MB21D2: variants seen among roughly 807,000 people sequenced by gnomAD.
The protein encoded by MB21D2 is nucleotidyltransferase MB21D2.
A neutral mutation model predicts 33.3 loss-of-function variants in MB21D2; 9 were observed. The ratio of observed to expected loss-of-function variants is 0.27; its 90% CI spans 0.16 to 0.47. The LOEUF is 0.47. MB21D2 is among the 20% of genes least tolerant of loss of function. The pLI is 0.99. For synonymous variants in MB21D2, 241 were observed against 236.3 expected, an observed-to-expected ratio of 1.02 and a Z score of -0.18; for missense variants, 540 against 624.6, an observed-to-expected ratio of 0.86 and a Z score of 1.44.
chr3:192,855,597 A>G (rs1424688589), intron 1 of MB21D2, among the ~76,000 whole-genome samples: 3 of 152,244 alleles, frequency 2.0e-5, no homozygotes, highest in African/African-American at 7.2e-5. Flanking sequence ...TTTTACAAAT[A>G]AGGAAACTGA....
In MB21D2 at chr3:192,799,631, G is replaced by A. The variant is rs144558534; in HGVS notation, c.231C>T (p.Asp77=). 3 of 1,613,704 alleles carry A rather than the reference G, an allele frequency of 1.9e-6. No individual in the cohort carries two copies. The highest frequency in any genetic ancestry group is 2.2e-5 in the East Asian group (1 of 44,870). Residue 77 remains aspartate (D), a synonymous_variant, in exon 2 of 2, where the codon GAC becomes GAT. Transcript: ENST00000392452. The surrounding 1 kb of genome is among the most constrained non-coding windows in gnomAD (Gnocchi z 4.1). ...FSMLGMVQKL[D]QKLPVANEYL... is the part of the protein sequence containing the mutation. ...ATTCATTAGCCACTGGAAGCTTTTG[G>A]TCCAGCTTTTGCACCATTCCTGGAA... is the stretch of plus-strand genomic sequence containing the variant.
At chr3:192,862,362 C>A (rs1301278926) in intron 1 of MB21D2, among the ~76,000 whole-genome samples, 1 of 152,128 alleles carries the variant, frequency 6.6e-6, no homozygotes, top group East Asian at 1.9e-4. Context: ...GATTGTATTC[C>A]ATGTTCATTC....
chr3:192,807,252 A>G (rs1711683413), intron 1 of MB21D2, among the ~76,000 whole-genome samples: 1 of 151,982 alleles, frequency 6.6e-6, no homozygotes, highest in Non-Finnish European at 1.5e-5. Context: ...GCAGCTTCCC[A>G]AAGTCACAAT....
At chr3:192,823,766 T>C (rs1378829778) in intron 1 of MB21D2, among the ~76,000 whole-genome samples, 1 of 152,138 alleles carries the variant, frequency 6.6e-6, no homozygotes, top group African/African-American at 2.4e-5. Flanking sequence ...AAAGGTTAAT[T>C]TAGAACTCCA....
Position 192,799,957 on chromosome 3 carries a change from T to TCA in MB21D2, c.212-309_212-308dup, listed in dbSNP as rs776878549. Among the ~76,000 whole-genome samples, 1 of 152,188 alleles carries TCA rather than the reference T, an allele frequency of 6.6e-6. No individual in the cohort carries two copies. Among genetic ancestry groups the TCA allele is most frequent in the Non-Finnish European group, 1.5e-5 (1 of 68,030 alleles). ...CTCAGTTAATGGAATTGCCATCCAC[T>TCA]CAGTTATGCAGACTGAAAACCTCAG... On this transcript the variant is annotated intron_variant, in intron 1 of 1. Transcript: ENST00000392452. This position sits in a 1 kb window ranked among gnomAD's most constrained non-coding sequence, Gnocchi z 4.1.
intron 1 of MB21D2, among the ~76,000 whole-genome samples, chr3:192,824,142 A>G (rs183540012): frequency 9.8e-5 from 15 of 152,344 alleles, no homozygotes; most frequent in Admixed American, 9.8e-4. Flanking sequence ...CATGTTATCC[A>G]TCTTCCCACT....
chr3:192,873,244 G>A (rs974726281), intron 1 of MB21D2, among the ~76,000 whole-genome samples: 9 of 152,138 alleles, frequency 5.9e-5, no homozygotes, highest in Non-Finnish European at 1.2e-4. Flanking sequence ...GTTAAGTGAC[G>A]GTTAACAATA....
At chr3:192,835,066 C>T (rs890619820) in intron 1 of MB21D2, among the ~76,000 whole-genome samples, 7 of 149,588 alleles carry the variant, frequency 4.7e-5, no homozygotes, top group African/African-American at 1.5e-4. Context: ...CATCAGCCTC[C>T]CAAAGTGCTG....
At chr3:192,860,714 C>A (rs917695133) in intron 1 of MB21D2, among the ~76,000 whole-genome samples, 29 of 152,146 alleles carry the variant, frequency 1.9e-4, no homozygotes, top group African/African-American at 6.5e-4. Context: ...TGAGAAAACG[C>A]AAGGACTGGG....
intron 1 of MB21D2, among the ~76,000 whole-genome samples, chr3:192,893,755 G>T (rs1713904627): frequency 6.6e-6 from 1 of 152,152 alleles, no homozygotes; most frequent in African/African-American, 2.4e-5. Context: ...AGCCACCTCT[G>T]GCTGGGGGGT....
At chr3:192,908,281 C>T (rs1355213571) in intron 1 of MB21D2, among the ~76,000 whole-genome samples, 2 of 152,072 alleles carry the variant, frequency 1.3e-5, no homozygotes, top group Admixed American at 1.3e-4. Context: ...GTGCATGACC[C>T]CCTGGGTGCT....
rs115718653 is a variant in MB21D2, at chr3:192,907,487, C to T, written c.211+10143G>A. 5.3e-3 allele frequency among the ~76,000 whole-genome samples: 806 copies of T among 152,194 alleles called. 5 individuals are homozygous for T. The highest frequency in any genetic ancestry group is 0.018 in the African/African-American group (744 of 41,528). On this transcript the variant is annotated intron_variant, in intron 1 of 1. Transcript: ENST00000392452. ...CTCTTTGCAGGTGATATACTGACTG[C>T]GGCAGAAGACACCCAATAGCTGGGT...
At chr3:192,818,933 G>C (rs893867548) in intron 1 of MB21D2, among the ~76,000 whole-genome samples, 3 of 152,120 alleles carry the variant, frequency 2.0e-5, no homozygotes, top group African/African-American at 4.8e-5. Flanking sequence ...CAGTTCCCTT[G>C]AATGTCAATT....
Position 192,917,585 on chromosome 3 carries a change from T to TCA in MB21D2, c.211+43_211+44dup, listed in dbSNP as rs564777411. ...AATGGGTTTTCTACTCCGCTTCCCA[T>TCA]CACACACACACACGCACACACACCT... is the stretch of plus-strand genomic sequence containing the variant. On this transcript the variant is annotated intron_variant, in intron 1 of 1. Coordinates refer to ENST00000392452, the MANE Select transcript of MB21D2 (RefSeq NM_178496.4). The TCA allele has an allele frequency of 3.6e-4, 545 of 1,511,326 alleles. 1 individual carries two copies. In the East Asian group the frequency reaches 4.0e-3, roughly 11 times the overall value. 93.6% of individuals were successfully genotyped at this position (1,511,326 alleles called of 1,614,324 possible).
chr3:192,910,967 C>T (rs1714339602), intron 1 of MB21D2, among the ~76,000 whole-genome samples: 1 of 152,222 alleles, frequency 6.6e-6, no homozygotes, highest in Admixed American at 6.5e-5. Context: ...CACCTGAACA[C>T]ATGAAGTACA....
At chr3:192,906,596 G>A (rs1317825697) in intron 1 of MB21D2, among the ~76,000 whole-genome samples, 3 of 152,160 alleles carry the variant, frequency 2.0e-5, no homozygotes. Flanking sequence ...TTCAGAGAAG[G>A]CTTCTCAATC....
chr3:192,845,621 C>T (rs926820804), intron 1 of MB21D2, among the ~76,000 whole-genome samples: 25 of 152,348 alleles, frequency 1.6e-4, no homozygotes, highest in African/African-American at 6.0e-4. Context: ...ATAATCTCTG[C>T]CTTCACCACA....
At chr3:192,806,025 C>T (rs1406053515) in intron 1 of MB21D2, among the ~76,000 whole-genome samples, 5 of 152,256 alleles carry the variant, frequency 3.3e-5, no homozygotes, top group African/African-American at 1.2e-4. Flanking sequence ...TGTACCAAGA[C>T]TGCTGCTAGT....
chr3:192,854,943 A>ATGCACT (rs1712884254), intron 1 of MB21D2, among the ~76,000 whole-genome samples: 1 of 152,220 alleles, frequency 6.6e-6, no homozygotes. Context: ...CTCACTGACA[A>ATGCACT]TGCACTTGGT....
Sources: allele counts gnomAD v4.1 joint callset (sites outside exome capture counted in the v4.1 genomes callset), GRCh38; gene constraint gnomAD v4.1.1; non-coding constraint Gnocchi (gnomAD v3.1); transcripts MANE v1.5; gene names NCBI Gene and HGNC (gene_info 2026-07-23, HGNC 2026-07-21).